Variants in SSH2 observed in about 807,000 individuals in gnomAD.
The protein encoded by SSH2 is slingshot protein phosphatase 2.
SSH2 carries 37 observed loss-of-function variants against 135.2 expected under a neutral mutation model. The ratio of observed to expected loss-of-function variants is 0.27; its 90% CI spans 0.21 to 0.36. The LOEUF (loss-of-function observed/expected upper bound fraction) is 0.36. Ranked by LOEUF, SSH2 falls within the 10% of genes least tolerant of loss-of-function variation. SSH2 has a pLI of 1.00. For synonymous variants in SSH2, 628 were observed against 646.2 expected (o/e 0.97, Z 0.43); for missense variants, 1,408 against 1,765.3 (o/e 0.80, Z 3.63).
At chr17:29,783,427 C>T (rs950891928) in intron 3 of SSH2, among the ~76,000 whole-genome samples, 1 of 151,336 alleles carries the variant, frequency 6.6e-6, no homozygotes, top group Non-Finnish European at 1.5e-5. Flanking sequence ...AGAGCCAGTC[C>T]GAGTCCCAAA....
At position 29,632,487 on chromosome 17, in the gene SSH2, G is replaced by A. The variant is rs773699672; in HGVS notation, c.2707C>T (p.Arg903Cys). Reference sequence around the variant, plus strand: ...TGATGCTCTTGCTCCTGCCGTAAGCGCTCTTCGAACTCCAAGGTGGCTCGC... The same window carrying A: ...TGATGCTCTTGCTCCTGCCGTAAGCACTCTTCGAACTCCAAGGTGGCTCGC... ...VRRATLEFEE[R>C]LRQEQEHHGA... Residue 903 changes from arginine (R) to cysteine (C), a missense_variant, in exon 16 of 16, where the codon CGC (arginine) becomes TGC (cysteine). Coordinates refer to ENST00000540801, the MANE Select transcript of SSH2 (RefSeq NM_001282129.2). The A allele has an allele frequency of 6.2e-6, 10 of 1,614,136 alleles. No individual in the cohort carries two copies. Among genetic ancestry groups the A allele is most frequent in the South Asian group, 1.1e-5 (1 of 91,082 alleles).
chr17:29,776,767 G>C (rs1454178611), intron 3 of SSH2: 1 of 152,250 alleles, frequency 6.6e-6, no homozygotes, highest in African/African-American at 2.4e-5. Flanking sequence ...GCATGGAGCT[G>C]TGGCTTCAGC....
intron 1 of SSH2, among the ~76,000 whole-genome samples, chr17:29,897,434 A>G (rs1277963133): frequency 1.3e-5 from 2 of 152,130 alleles, no homozygotes; most frequent in East Asian, 3.8e-4. Flanking sequence ...GGGATGGAGG[A>G]AGATCTACCA....
intron 3 of SSH2, among the ~76,000 whole-genome samples, chr17:29,737,995 G>C (rs1161637215): frequency 6.6e-6 from 1 of 152,078 alleles, no homozygotes; most frequent in Non-Finnish European, 1.5e-5. Context: ...GGTTACATAT[G>C]TATACATGTG....
At chr17:29,642,058 TA>T (rs1373624347) in intron 14 of SSH2, among the ~76,000 whole-genome samples, 1 of 152,062 alleles carries the variant, frequency 6.6e-6, no homozygotes, top group Admixed American at 6.6e-5. Context: ...ATTATCTGAA[TA>T]TTTTTTTGTG....
At chr17:29,781,082 A>AT (rs1370845949) in intron 3 of SSH2, among the ~76,000 whole-genome samples, 1 of 152,204 alleles carries the variant, frequency 6.6e-6, no homozygotes, top group East Asian at 1.9e-4. Context: ...AAGTGCTGGG[A>AT]TTACAGGCGT....
At chr17:29,871,338 T>C (rs1168526904) in intron 1 of SSH2, among the ~76,000 whole-genome samples, 1 of 152,256 alleles carries the variant, frequency 6.6e-6, no homozygotes, top group African/African-American at 2.4e-5. Context: ...TTTCCATTTC[T>C]GTTCCAGTGT....
At chr17:29,929,714 G>T in intron 1 of SSH2, 1 of 592,740 alleles carries the variant, frequency 1.7e-6, no homozygotes, top group Non-Finnish European at 3.0e-6. Context: ...TCAGGGCGAG[G>T]ATTGTGAGGA....
At chr17:29,754,630 G>T (rs2041055818) in intron 3 of SSH2, among the ~76,000 whole-genome samples, 1 of 152,036 alleles carries the variant, frequency 6.6e-6, no homozygotes, top group Non-Finnish European at 1.5e-5. Flanking sequence ...AGACTTTTTT[G>T]ATCAGAGGTT....
At chr17:29,825,002 T>C (rs528996764) in intron 2 of SSH2, among the ~76,000 whole-genome samples, 2 of 152,178 alleles carry the variant, frequency 1.3e-5, no homozygotes, top group African/African-American at 4.8e-5. Flanking sequence ...GAAACCAACA[T>C]AGAAAAAAGC....
At chr17:29,732,852 G>A (rs547657834) in intron 3 of SSH2, among the ~76,000 whole-genome samples, 2 of 152,078 alleles carry the variant, frequency 1.3e-5, no homozygotes, top group Non-Finnish European at 2.9e-5. Flanking sequence ...TCTCGAATAC[G>A]CACTGAGCAA....
rs1189981277 is a variant in SSH2, at chr17:29,761,887, A to ATATT, written c.188+32006_188+32007insAATA. 4.8e-3 allele frequency among the ~76,000 whole-genome samples: 696 copies of ATATT among 143,642 alleles called. 6 individuals carry two copies. Among genetic ancestry groups the ATATT allele is most frequent in the African/African-American group, 0.017 (660 of 37,750 alleles). 94.2% of individuals were successfully genotyped at this position (143,642 alleles called of 152,430 possible). ...TGTGTGTGTGTATATATATATATAT[A>ATATT]TTTTTTTTTGAGATGGAGTTTCTGC... On this transcript the variant is annotated intron_variant, in intron 3 of 15. Coordinates refer to ENST00000540801, the MANE Select transcript of SSH2 (RefSeq NM_001282129.2).
At chr17:29,781,637 G>A (rs914533445) in intron 3 of SSH2, among the ~76,000 whole-genome samples, 1 of 151,460 alleles carries the variant, frequency 6.6e-6, no homozygotes, top group Admixed American at 6.6e-5. Context: ...GTGCCACCAC[G>A]CCTGGCCAAT....
At chr17:29,701,145 A>T (rs1262726083) in intron 4 of SSH2, among the ~76,000 whole-genome samples, 6 of 151,748 alleles carry the variant, frequency 4.0e-5, no homozygotes, top group Admixed American at 1.3e-4. Context: ...TAATTTTTTT[A>T]AATTTTTAGT....
At chr17:29,780,961 AC>A (rs2041827607) in intron 3 of SSH2, among the ~76,000 whole-genome samples, 1 of 150,596 alleles carries the variant, frequency 6.6e-6, no homozygotes, top group Admixed American at 6.6e-5. Context: ...ACAGGCGCCC[AC>A]CACCATGCCC....
chr17:29,793,866 T>C (rs558642969), intron 3 of SSH2, 28 bp downstream of exon 3: 16 of 1,593,580 alleles, frequency 1.0e-5, no homozygotes, highest in Non-Finnish European at 1.4e-5. Flanking sequence ...ACAACAAAAA[T>C]GCCGTAGGAT....
At chr17:29,831,768 C>A (rs1256428941) in intron 2 of SSH2, among the ~76,000 whole-genome samples, 3 of 151,156 alleles carry the variant, frequency 2.0e-5, no homozygotes, top group Non-Finnish European at 2.9e-5. Flanking sequence ...GTGGTAGAGA[C>A]GGGGTTTCGC....
In SSH2 at chr17:29,636,204, G is replaced by A. The variant is rs1284943987; in HGVS notation, c.2026C>T (p.Arg676Cys). The change falls in exon 15 of 16, where the codon CGC (arginine) becomes TGC (cysteine). Residue 676 changes from arginine to cysteine, a missense_variant. By Grantham distance (180) the Arg-to-Cys change is radical. This residue lies in a region of SSH2 where 1,080 missense variants were observed against 1,144.5 expected (regional missense o/e 0.94). Coordinates refer to ENST00000540801, the MANE Select transcript of SSH2 (RefSeq NM_001282129.2). ...QTEISDFSTD[R>C]IDFFSALEKF... ...TCTAGGGCACTAAAAAAGTCAATGC[G>A]ATCTGTACTGAAATCTGAGATTTCA... 17 of 1,613,966 alleles carry A rather than the reference G, an allele frequency of 1.1e-5. No homozygotes were observed. The highest frequency in any genetic ancestry group is 1.3e-5 in the African/African-American group (1 of 74,888).
intron 1 of SSH2, among the ~76,000 whole-genome samples, chr17:29,923,105 T>C (rs536634740): frequency 6.6e-6 from 1 of 152,206 alleles, no homozygotes; most frequent in East Asian, 1.9e-4. Flanking sequence ...AGCGACAGGG[T>C]TTCACCATGT....
Sources: gnomAD v4.1 joint callset for allele counts (sites outside exome capture counted in the v4.1 genomes callset) on GRCh38, gnomAD v4.1.1 for gene constraint, gnomAD v4.1.1 regional missense constraint, MANE v1.5 for transcripts, NCBI Gene and HGNC (gene_info 2026-07-23, HGNC 2026-07-21) for gene names.